B9D1: variants seen among roughly 807,000 people sequenced by gnomAD.
B9D1 encodes B9 domain-containing protein 1.
In B9D1, 20 loss-of-function variants were observed where a neutral mutation model predicts 26.1. That is an observed-to-expected ratio of 0.77 (90% CI 0.54 to 1.12). The LOEUF (loss-of-function observed/expected upper bound fraction) is 1.12, where lower values mean the gene tolerates loss of function less well. Ranked by LOEUF, B9D1 falls within the 50% of genes most tolerant of loss-of-function variation. The probability of loss-of-function intolerance (pLI) is 0.00; values close to 1 mark genes in which losing one functional copy is unlikely to be tolerated. For synonymous variants in B9D1, 105 were observed against 103.1 expected (o/e 1.02, Z -0.11); for missense variants, 260 against 273.7 (o/e 0.95, Z 0.35).
upstream of B9D1, among the ~76,000 whole-genome samples, chr17:19,365,846 C>CT (rs202162223): frequency 9.0e-3 from 1,303 of 144,370 alleles, 26 homozygotes; most frequent in African/African-American, 0.03. The surrounding 1 kb of genome is among the most constrained non-coding windows in gnomAD (Gnocchi z 5.0). Context: ...TGTAGCTATT[C>CT]TTTTTTTTTT....
At position 19,347,410 on chromosome 17, in the gene B9D1, C is replaced by T. The variant is rs1368297198; in HGVS notation, c.342-79G>A. 2.0e-6 allele frequency: 3 copies of T among 1,535,496 alleles called. No individual in the cohort carries two copies. Among genetic ancestry groups the T allele is most frequent in the Non-Finnish European group, 2.7e-6 (3 of 1,111,976 alleles). ...CTCCAGGGAGAAGAAACCCTCAGAT[C>T]AGGCCAGTGCAGCTGCAGCGTGGGC... is the stretch of plus-strand genomic sequence containing the variant. On this transcript the variant is annotated intron_variant, in intron 4 of 6. Transcript: ENST00000261499. The surrounding 1 kb of genome is among the most constrained non-coding windows in gnomAD (Gnocchi z 4.3).
chr17:19,344,794 T>G (rs1908531744), intron 5 of B9D1, among the ~76,000 whole-genome samples: 1 of 152,216 alleles, frequency 6.6e-6, no homozygotes, highest in Non-Finnish European at 1.5e-5. Flanking sequence ...GGCTCTCAGC[T>G]GCCGCAGAGT....
chr17:19,347,373 A>G lies in B9D1; in HGVS notation c.342-42T>C. 1 of 1,607,980 alleles carries G rather than the reference A, an allele frequency of 6.2e-7. No individual in the cohort carries two copies. The highest frequency in any genetic ancestry group is 8.5e-7 in the Non-Finnish European group (1 of 1,174,702). On this transcript the variant is annotated intron_variant, in intron 4 of 6. Transcript: ENST00000261499. The surrounding 1 kb of genome is among the most constrained non-coding windows in gnomAD (Gnocchi z 4.3). ...TGCAGACAGAGATGCTGAGTAAGAG[A>G]CCTTTCTGAGCCTCCAGGGAGAAGA... is the stretch of plus-strand genomic sequence containing the variant.
At chr17:19,337,699 C>A, downstream of B9D1, 1 of 1,532,414 alleles carries the variant, frequency 6.5e-7, no homozygotes, top group Non-Finnish European at 8.7e-7. Context: ...GGACTCAAGC[C>A]GCTTTCATCT....
At position 19,347,464 on chromosome 17, in the gene B9D1, A is replaced by G. The variant is rs983512722; in HGVS notation, c.342-133T>C. ...GTCAGGGCCAATGTCAACGAATCCA[A>G]CCTGTGCTAACTGAGCACCCCCTGT... is the stretch of plus-strand genomic sequence containing the variant. On this transcript the variant is annotated intron_variant, in intron 4 of 6. Coordinates refer to ENST00000261499, the MANE Select transcript of B9D1 (RefSeq NM_015681.6). This position sits in a 1 kb window ranked among gnomAD's most constrained non-coding sequence, Gnocchi z 4.3. 4 of 1,077,814 alleles carry G rather than the reference A, an allele frequency of 3.7e-6. No homozygotes were observed. The African/African-American group carries it at 4.7e-5, about 13-fold the overall frequency. 66.8% of individuals were successfully genotyped at this position (1,077,814 alleles called of 1,614,324 possible). A position where few individuals can be genotyped will look rare whatever the true frequency, so the allele number is the denominator to read the frequency against.
chr17:19,366,126 G>A (rs1482144724), upstream of B9D1, among the ~76,000 whole-genome samples: 9 of 151,940 alleles, frequency 5.9e-5, no homozygotes, highest in East Asian at 1.7e-3. Flanking sequence ...TTATAAGTGG[G>A]TGTCCGGCTC....
At chr17:19,343,549 A>G in intron 6 of B9D1, 88 bp from the exon 7 acceptor site, 4 of 1,595,852 alleles carry the variant, frequency 2.5e-6, no homozygotes, top group Non-Finnish European at 3.4e-6. Flanking sequence ...CAGCGTTCTC[A>G]TCTGTAAAAT....
intron 3 of B9D1, among the ~76,000 whole-genome samples, chr17:19,354,469 A>G (rs934324786): frequency 1.3e-5 from 2 of 152,226 alleles, no homozygotes; most frequent in Non-Finnish European, 2.9e-5. Flanking sequence ...AATGAAACAT[A>G]AATCTTAAAG....
intron 1 of B9D1, among the ~76,000 whole-genome samples, chr17:19,361,506 G>A (rs920547499): frequency 8.5e-5 from 13 of 152,202 alleles, no homozygotes; most frequent in Admixed American, 5.2e-4. Context: ...TGTGGCGGGG[G>A]GGTCGCTGAT....
At chr17:19,353,036 C>A (rs1212028554) in intron 3 of B9D1, among the ~76,000 whole-genome samples, 2 of 151,324 alleles carry the variant, frequency 1.3e-5, no homozygotes, top group African/African-American at 2.4e-5. Flanking sequence ...AGTGTAGTGA[C>A]GCGATCTCAG....
At chr17:19,376,624 CAAAAAAAAAAAA>C (rs56972267) in intron 1 of B9D1, among the ~76,000 whole-genome samples, 46 of 48,956 alleles carry the variant, frequency 9.4e-4, no homozygotes, top group Admixed American at 3.3e-3. Context: ...TACTAAAATA[CAAAAAAAAAAAA>C]AAAAAAAAAA....
In B9D1 at chr17:19,362,560, C is replaced by A; in HGVS notation, c.10G>T (p.Ala4Ser). 1.3e-6 allele frequency: 2 copies of A among 1,589,594 alleles called. No homozygotes were observed. Among genetic ancestry groups the A allele is most frequent in the South Asian group, 2.3e-5 (2 of 87,590 alleles). The change falls in exon 1 of 7, where the codon GCG becomes TCG. Residue 4 changes from alanine to serine, a missense_variant. By Grantham distance (99) the Ala-to-Ser change is moderately conservative. Coordinates refer to ENST00000261499, the MANE Select transcript of B9D1 (RefSeq NM_015681.6). The stretch of plus-strand genomic sequence containing the variant: ...ATGAGTAGAAAGACGCTAGGACTCG[C>A]GGTCGCCATGGCAGGTCTGGGGGTG... MAT[A>S]SPSVFLLMVN...
At chr17:19,363,407 T>G (rs535605853), upstream of B9D1, among the ~76,000 whole-genome samples, 68 of 152,362 alleles carry the variant, frequency 4.5e-4, no homozygotes, top group Admixed American at 8.5e-4. Flanking sequence ...CTTAGTGGCC[T>G]GTCACAGAGT....
upstream of B9D1, among the ~76,000 whole-genome samples, chr17:19,365,015 G>A (rs959908335): frequency 4.6e-5 from 7 of 152,232 alleles, no homozygotes; most frequent in African/African-American, 1.7e-4. This position sits in a 1 kb window ranked among gnomAD's most constrained non-coding sequence, Gnocchi z 5.0. Flanking sequence ...GCCTCCCCCA[G>A]TCTCTCAACC....
chr17:19,345,276 G>A (rs1908614449), intron 5 of B9D1, among the ~76,000 whole-genome samples: 1 of 152,200 alleles, frequency 6.6e-6, no homozygotes, highest in South Asian at 2.1e-4. Context: ...GCAGCATTCT[G>A]GTTGAAGTTC....
intron 5 of B9D1, among the ~76,000 whole-genome samples, chr17:19,344,212 A>G (rs1908397676): frequency 6.6e-6 from 1 of 152,112 alleles, no homozygotes; most frequent in African/African-American, 2.4e-5. Context: ...CAGAAATCCC[A>G]GAAAAGTGAC....
chr17:19,351,268 T>C (rs1181089245), intron 3 of B9D1, among the ~76,000 whole-genome samples: 3 of 152,208 alleles, frequency 2.0e-5, no homozygotes, highest in African/African-American at 7.2e-5. Context: ...TGAGCCACTG[T>C]GCCTGGCCAA....
chr17:19,353,339 T>C (rs901615341), intron 3 of B9D1, among the ~76,000 whole-genome samples: 1 of 152,004 alleles, frequency 6.6e-6, no homozygotes, highest in Non-Finnish European at 1.5e-5. Context: ...CTAACATGCA[T>C]TTAAAATTAC....
intron 3 of B9D1, among the ~76,000 whole-genome samples, chr17:19,356,366 A>G (rs1185089763): frequency 6.6e-6 from 1 of 152,192 alleles, no homozygotes; most frequent in Non-Finnish European, 1.5e-5. Context: ...TGCTGGAATT[A>G]CAGGCATGAG....
Sources: allele counts gnomAD v4.1 joint callset (sites outside exome capture counted in the v4.1 genomes callset), GRCh38; gene constraint gnomAD v4.1.1; non-coding constraint Gnocchi (gnomAD v3.1); transcripts MANE v1.5; gene names NCBI Gene and HGNC (gene_info 2026-07-23, HGNC 2026-07-21).